EDIL3: variants seen among roughly 807,000 people sequenced by gnomAD.
The protein encoded by EDIL3 is EGF like and discoidin domains 3.
EDIL3 carries 37 observed loss-of-function variants against 67.4 expected under a neutral mutation model. That is an observed-to-expected ratio of 0.55 (90% CI 0.42 to 0.72). The LOEUF is 0.72. EDIL3 is among the 30% of genes least tolerant of loss of function. The pLI, the probability that EDIL3 is intolerant of heterozygous loss-of-function variation, is 0.00. For synonymous variants in EDIL3, 195 were observed against 196.3 expected (o/e 0.99, Z 0.05); for missense variants, 527 against 586.3 (o/e 0.90, Z 1.04).
chr5:84,165,392 CT>C (rs1748687450), intron 4 of EDIL3, among the ~76,000 whole-genome samples: 1 of 152,126 alleles, frequency 6.6e-6, no homozygotes, highest in African/African-American at 2.4e-5. Flanking sequence ...CATCTTCTAC[CT>C]GTGTTTTACC....
intron 9 of EDIL3, among the ~76,000 whole-genome samples, chr5:83,978,377 T>C (rs1005690241): frequency 6.6e-6 from 1 of 151,906 alleles, no homozygotes; most frequent in Non-Finnish European, 1.5e-5. Flanking sequence ...TGAAAAGATA[T>C]AACATATGTC....
chr5:84,052,746 C>T (rs9686555), intron 9 of EDIL3, among the ~76,000 whole-genome samples: 1 of 152,194 alleles, frequency 6.6e-6, no homozygotes, highest in African/African-American at 2.4e-5. Flanking sequence ...ATCAATTCAA[C>T]AAGAAGAGCT....
chr5:84,197,679 C>CA (rs960715578), intron 3 of EDIL3, among the ~76,000 whole-genome samples: 66 of 147,188 alleles, frequency 4.5e-4, no homozygotes, highest in African/African-American at 1.4e-3. Context: ...AGCAAACAAA[C>CA]AAAAAAAAAG....
At chr5:84,208,636 G>A (rs1485912896) in intron 3 of EDIL3, among the ~76,000 whole-genome samples, 3 of 139,464 alleles carry the variant, frequency 2.2e-5, no homozygotes, top group Non-Finnish European at 3.0e-5. Flanking sequence ...CCGAGATTGC[G>A]CCACTGCAGT....
intron 9 of EDIL3, among the ~76,000 whole-genome samples, chr5:84,006,941 T>A (rs1745427814): frequency 6.6e-6 from 1 of 151,898 alleles, no homozygotes; most frequent in Non-Finnish European, 1.5e-5. Context: ...AAAACAGACA[T>A]ATAGACCAAT....
rs757759194 is a variant in EDIL3, at chr5:84,106,688, C to T, written c.612G>A (p.Ala204=). The T allele has an allele frequency of 3.3e-5, 53 of 1,611,414 alleles. No homozygotes were observed. Among genetic ancestry groups the T allele is most frequent in the African/African-American group, 1.3e-4 (10 of 74,732 alleles). Residue 204 remains alanine (A), a synonymous_variant, in exon 6 of 11, where the codon GCG becomes GCA. Transcript: ENST00000296591. The part of the protein sequence containing the change: ...ARLNKKGLIN[A]WTAAENDRWP... The stretch of plus-strand genomic sequence containing the variant: ...ATCTGTCATTTTCTGCAGCTGTCCA[C>T]GCATTTATAAGCCCCTTCTTATTAA...
chr5:83,992,883 C>A lies in EDIL3; in HGVS notation c.1138-29523G>T, dbSNP rs994177194. Among the ~76,000 whole-genome samples, 45 of 151,350 alleles carry A rather than the reference C, an allele frequency of 3.0e-4. 1 individual carries two copies. Among genetic ancestry groups the A allele is most frequent in the African/African-American group, 1.0e-3 (42 of 41,368 alleles). ...AAAAATATTAAAAATATTTTTAAATCTTTTTATTAATTAAAGACTTTAGTT... is the reference window on the plus strand; with the variant it reads ...AAAAATATTAAAAATATTTTTAAATATTTTTATTAATTAAAGACTTTAGTT... On this transcript the variant is annotated intron_variant, in intron 9 of 10. Transcript: ENST00000296591.
chr5:84,045,939 G>A (rs1395736698), intron 9 of EDIL3, among the ~76,000 whole-genome samples: 2 of 152,164 alleles, frequency 1.3e-5, no homozygotes, highest in Non-Finnish European at 2.9e-5. Flanking sequence ...TGGCTTTGAG[G>A]AAATATTACA....
At chr5:84,029,246 C>T (rs747617266) in intron 9 of EDIL3, among the ~76,000 whole-genome samples, 5 of 152,028 alleles carry the variant, frequency 3.3e-5, no homozygotes, top group Non-Finnish European at 5.9e-5. Context: ...CAGAGGGATA[C>T]TCCATCTCAC....
At chr5:84,371,341 A>ATATGTG (rs1008172581) in intron 1 of EDIL3, among the ~76,000 whole-genome samples, 90 of 129,698 alleles carry the variant, frequency 6.9e-4, no homozygotes, top group African/African-American at 2.4e-3. Context: ...ATATATATAT[A>ATATGTG]TGTGTGTGTG....
At chr5:83,977,736 T>C in intron 9 of EDIL3, among the ~76,000 whole-genome samples, 1 of 151,870 alleles carries the variant, frequency 6.6e-6, no homozygotes, top group East Asian at 1.9e-4. Context: ...TTTTTCTACT[T>C]AGTCCATATT....
At chr5:84,067,956 T>C (rs1345090805) in intron 6 of EDIL3, among the ~76,000 whole-genome samples, 1 of 152,228 alleles carries the variant, frequency 6.6e-6, no homozygotes, top group Non-Finnish European at 1.5e-5. Flanking sequence ...ATTTTGATGT[T>C]CAGACATCAC....
intron 4 of EDIL3, among the ~76,000 whole-genome samples, chr5:84,146,308 G>T (rs766548351): frequency 6.6e-6 from 1 of 152,044 alleles, no homozygotes; most frequent in Non-Finnish European, 1.5e-5. Flanking sequence ...AGTCACACAG[G>T]TGGCCAAACT....
At chr5:84,335,357 A>G (rs1156744720) in intron 1 of EDIL3, among the ~76,000 whole-genome samples, 3 of 152,034 alleles carry the variant, frequency 2.0e-5, no homozygotes, top group Non-Finnish European at 4.4e-5. Flanking sequence ...CTGCTCTCTT[A>G]TCACTAGAAT....
chr5:83,979,450 T>A (rs1181703363), intron 9 of EDIL3, among the ~76,000 whole-genome samples: 1 of 152,094 alleles, frequency 6.6e-6, no homozygotes, highest in Non-Finnish European at 1.5e-5. Flanking sequence ...GAGACATATA[T>A]AATAAACTTA....
chr5:84,270,072 TAG>T (rs1382016228), intron 1 of EDIL3, among the ~76,000 whole-genome samples: 4 of 152,240 alleles, frequency 2.6e-5, no homozygotes, highest in Non-Finnish European at 4.4e-5. Flanking sequence ...TAGTTATCTC[TAG>T]ATAGTGAGAT....
chr5:83,954,997 A>G (rs1164109079), intron 10 of EDIL3, among the ~76,000 whole-genome samples: 3 of 151,802 alleles, frequency 2.0e-5, no homozygotes, highest in Non-Finnish European at 2.9e-5. Flanking sequence ...TCGCTAATCA[A>G]TATTTTTAAC....
chr5:83,976,261 C>T (rs1214736466), intron 9 of EDIL3, among the ~76,000 whole-genome samples: 2 of 151,784 alleles, frequency 1.3e-5, no homozygotes, highest in Non-Finnish European at 2.9e-5. Context: ...TGACAATATG[C>T]TTCAGGAACG....
chr5:83,979,172 A>G (rs1381574202), intron 9 of EDIL3, among the ~76,000 whole-genome samples: 1 of 152,120 alleles, frequency 6.6e-6, no homozygotes, highest in Non-Finnish European at 1.5e-5. Flanking sequence ...AAAGATGAGA[A>G]GTTTCATTAG....
Sources: allele counts gnomAD v4.1 joint callset (sites outside exome capture counted in the v4.1 genomes callset), GRCh38; gene constraint gnomAD v4.1.1; transcripts MANE v1.5; gene names NCBI Gene and HGNC (gene_info 2026-07-23, HGNC 2026-07-21).